ZCCHC24: variants seen among roughly 807,000 people sequenced by gnomAD.
ZCCHC24 encodes the protein zinc finger CCHC domain-containing protein 24.
ZCCHC24 carries 10 observed loss-of-function variants against 26.2 expected under a neutral mutation model. The observed-to-expected ratio is 0.38, with a 90% confidence interval of 0.24 to 0.65. The LOEUF is 0.65. Ranked by LOEUF, ZCCHC24 falls within the 30% of genes least tolerant of loss-of-function variation. ZCCHC24 has a pLI of 0.54. For synonymous variants in ZCCHC24, 144 were observed against 147.1 expected, an observed-to-expected ratio of 0.98 and a Z score of 0.15; for missense variants, 243 against 329.1, an observed-to-expected ratio of 0.74 and a Z score of 2.03.
intron 2 of ZCCHC24, among the ~76,000 whole-genome samples, chr10:79,422,982 T>A (rs1457162717): frequency 6.6e-6 from 1 of 151,996 alleles, no homozygotes; most frequent in African/African-American, 2.4e-5. Flanking sequence ...AAAGTTGCCT[T>A]TGGGTTAAAA....
Position 79,445,234 on chromosome 10 carries a change from G to A in ZCCHC24, c.207C>T (p.Ser69=). The change falls in exon 1 of 4, where the codon TCC becomes TCT. Residue 69 remains serine, a synonymous_variant. Coordinates refer to ENST00000372336, the MANE Select transcript of ZCCHC24 (RefSeq NM_153367.4). ...RPEQLGSPLH[S]SYLNSFFQLQ... Reference sequence around the variant, plus strand: ...GCTGGAAGAAGCTGTTGAGATAGCTGGAGTGCAGGGGCGAGCCCAGCTGCT... The same window carrying A: ...GCTGGAAGAAGCTGTTGAGATAGCTAGAGTGCAGGGGCGAGCCCAGCTGCT... 7.4e-7 allele frequency: 1 copy of A among 1,359,110 alleles called. No homozygotes were observed. The allele number at this position is 1,359,110 out of a possible 1,614,324, so 84.2% of individuals were successfully genotyped here. A position where few individuals can be genotyped will look rare whatever the true frequency, so the allele number is the denominator to read the frequency against.
At chr10:79,443,024 A>G (rs1177065613) in intron 1 of ZCCHC24, among the ~76,000 whole-genome samples, 2 of 152,132 alleles carry the variant, frequency 1.3e-5, no homozygotes, top group African/African-American at 4.8e-5. Context: ...TCTTGTTTGA[A>G]CAGGTCTCAA....
intron 3 of ZCCHC24, among the ~76,000 whole-genome samples, chr10:79,389,326 G>C (rs1265687971): frequency 6.6e-6 from 1 of 152,244 alleles, no homozygotes; most frequent in African/African-American, 2.4e-5. Context: ...TTTGAAGACT[G>C]TTCTGGAAAA....
chr10:79,396,421 T>C (rs1244378028), intron 2 of ZCCHC24, among the ~76,000 whole-genome samples: 1 of 152,250 alleles, frequency 6.6e-6, no homozygotes, highest in Non-Finnish European at 1.5e-5. Context: ...GAATCCTTGC[T>C]GGTTGAGGTT....
At chr10:79,424,968 C>T (rs1294005007) in intron 2 of ZCCHC24, among the ~76,000 whole-genome samples, 1 of 152,184 alleles carries the variant, frequency 6.6e-6, no homozygotes, top group Non-Finnish European at 1.5e-5. Context: ...CTCTTTCTAT[C>T]TGTACCACCG....
At chr10:79,435,170 C>T (rs1010653048) in intron 1 of ZCCHC24, among the ~76,000 whole-genome samples, 1 of 152,176 alleles carries the variant, frequency 6.6e-6, no homozygotes, top group African/African-American at 2.4e-5. Flanking sequence ...AATAACAACC[C>T]TCTTAATATT....
At chr10:79,389,159 C>A (rs147175883) in intron 3 of ZCCHC24, among the ~76,000 whole-genome samples, 17 of 152,322 alleles carry the variant, frequency 1.1e-4, no homozygotes, top group Non-Finnish European at 2.4e-4. Flanking sequence ...ACAGGCACAG[C>A]GCTCTCCCCT....
At chr10:79,432,005 GA>G (rs1772667790) in intron 2 of ZCCHC24, among the ~76,000 whole-genome samples, 1 of 152,328 alleles carries the variant, frequency 6.6e-6, no homozygotes, top group South Asian at 2.1e-4. Context: ...CTCACTCCAA[GA>G]AAGAGATGCT....
In ZCCHC24 at chr10:79,384,661, TC is replaced by T. The variant is rs1284534065; in HGVS notation, c.*1683del. The T allele has an allele frequency of 6.5e-6, 1 of 152,718 alleles. No homozygotes were observed. The highest frequency in any genetic ancestry group is 1.5e-5 in the Non-Finnish European group (1 of 68,060). The allele number at this position is 152,718 out of a possible 1,614,324, so 9.5% of individuals were successfully genotyped here. A position where few individuals can be genotyped will look rare whatever the true frequency, so the allele number is the denominator to read the frequency against. On this transcript the variant is annotated 3_prime_UTR_variant, in exon 4 of 4. Transcript: ENST00000372336. ...CCTGGCTGCAAATACACTCACTCCA[TC>T]TTTTCAACTCGCTCCCTGGACCCCT...
At chr10:79,435,431 G>T (rs1198178490) in intron 1 of ZCCHC24, among the ~76,000 whole-genome samples, 3 of 152,124 alleles carry the variant, frequency 2.0e-5, no homozygotes, top group Non-Finnish European at 4.4e-5. Context: ...CCTCTAAGCG[G>T]GTGCCCTCTC....
intron 3 of ZCCHC24, among the ~76,000 whole-genome samples, chr10:79,389,953 G>C (rs1589658089): frequency 6.6e-6 from 1 of 152,130 alleles, no homozygotes; most frequent in East Asian, 1.9e-4. Flanking sequence ...TCTCACATAG[G>C]CTGGAGTGCA....
chr10:79,394,509 C>A (rs759848724), intron 2 of ZCCHC24, 69 bp from the exon 3 acceptor site: 36 of 1,565,890 alleles, frequency 2.3e-5, no homozygotes, highest in Non-Finnish European at 3.1e-5. Flanking sequence ...CAGGGTTCCC[C>A]TGGCCTCCGC....
At chr10:79,421,591 C>A (rs1442688742) in intron 2 of ZCCHC24, among the ~76,000 whole-genome samples, 1 of 151,990 alleles carries the variant, frequency 6.6e-6, no homozygotes, top group Non-Finnish European at 1.5e-5. Flanking sequence ...GTGGTGTTAC[C>A]TTTCTGCCCC....
At chr10:79,415,924 G>T (rs1338941711) in intron 2 of ZCCHC24, among the ~76,000 whole-genome samples, 2 of 152,182 alleles carry the variant, frequency 1.3e-5, no homozygotes, top group East Asian at 3.9e-4. Flanking sequence ...TGAGAAGCAA[G>T]AAATTCCTAG....
chr10:79,386,125 CCA>C lies in ZCCHC24; in HGVS notation c.*218_*219del, dbSNP rs1856388325. On this transcript the variant is annotated 3_prime_UTR_variant, in exon 4 of 4. Transcript: ENST00000372336. ...ACCCCAGGCCCGCCTGCAAAAAGCC[CCA>C]GACTCCCTGCTTTCCCTGGCCTGTG... The C allele has an allele frequency of 3.3e-6, 2 of 602,960 alleles. No homozygotes were observed. The highest frequency in any genetic ancestry group is 3.7e-5 in the African/African-American group (2 of 53,830). 37.4% of individuals were successfully genotyped at this position (602,960 alleles called of 1,614,324 possible).
chr10:79,391,694 C>T (rs986466105), intron 3 of ZCCHC24, among the ~76,000 whole-genome samples: 9 of 152,060 alleles, frequency 5.9e-5, no homozygotes, highest in Middle Eastern at 6.8e-3. Flanking sequence ...ATCTGCCCTT[C>T]CAGGCTCCAA....
rs1268648352 is a variant in ZCCHC24, at chr10:79,394,447, G to A, written c.448-7C>T. 6.2e-7 allele frequency: 1 copy of A among 1,612,622 alleles called. No homozygotes were observed. Among genetic ancestry groups the A allele is most frequent in the Non-Finnish European group, 8.5e-7 (1 of 1,178,960 alleles). On this transcript the variant is annotated splice_region_variant and splice_polypyrimidine_tract_variant and intron_variant, in intron 2 of 3. Transcript: ENST00000372336. ...CCTCGCCTTTGGGGCGTGCCTACAG[G>A]GCAGGAAGCAAACACAGGGGATTGG... is the stretch of plus-strand genomic sequence containing the variant.
chr10:79,429,675 T>C (rs1462461780), intron 2 of ZCCHC24, among the ~76,000 whole-genome samples: 1 of 152,190 alleles, frequency 6.6e-6, no homozygotes, highest in East Asian at 1.9e-4. Flanking sequence ...GCTGCACAAC[T>C]CCAGGCATAT....
Position 79,432,743 on chromosome 10 carries a change from C to T in ZCCHC24, c.262G>A (p.Val88Met), listed in dbSNP as rs761788598. The T allele has an allele frequency of 1.9e-6, 3 of 1,608,074 alleles. No homozygotes were observed. The East Asian group carries it at 6.7e-5, about 36-fold the overall frequency. ...LQRGEALSNS[V>M]YKGASPYGSL... ...CCATAGGGTGAGGCGCCCTTGTACA[C>T]ACTGTTGCTCAGCGCCTGTGGGAGA... Residue 88 changes from valine (V) to methionine (M), a missense_variant, in exon 2 of 4, where the codon GTG becomes ATG. Val to Met is a conservative substitution (Grantham distance 21). This residue lies in a region of ZCCHC24 where 147 missense variants were observed against 150.8 expected (regional missense o/e 0.97). Coordinates refer to ENST00000372336, the MANE Select transcript of ZCCHC24 (RefSeq NM_153367.4).
Sources: allele counts gnomAD v4.1 joint callset (sites outside exome capture counted in the v4.1 genomes callset), GRCh38; gene constraint gnomAD v4.1.1; regional missense constraint gnomAD v4.1.1; transcripts MANE v1.5; gene names NCBI Gene and HGNC (gene_info 2026-07-23, HGNC 2026-07-21).